The following CEP112 variants were observed in gnomAD, a reference collection of about 807,000 sequenced individuals.
CEP112 encodes the protein centrosomal protein of 112 kDa.
In CEP112, 127 loss-of-function variants were observed where a neutral mutation model predicts 153.0. The ratio of observed to expected loss-of-function variants is 0.83; its 90% CI spans 0.72 to 0.96. CEP112 has a LOEUF of 0.96. Ranked by LOEUF, CEP112 falls within the 40% of genes least tolerant of loss-of-function variation. The pLI, the probability that CEP112 is intolerant of heterozygous loss-of-function variation, is 0.00. For missense variants in CEP112, 1,089 were observed against 1,101.2 expected, an observed-to-expected ratio of 0.99 and a Z score of 0.16; for synonymous variants, 358 against 374.4, an observed-to-expected ratio of 0.96 and a Z score of 0.51.
intron 4 of CEP112, among the ~76,000 whole-genome samples, chr17:66,146,722 T>C (rs980324006): frequency 6.6e-6 from 1 of 152,132 alleles, no homozygotes; most frequent in Admixed American, 6.6e-5. Context: ...TCCGTTTCTA[T>C]GAATTTGACA....
At chr17:65,723,254 G>A (rs1273463660) in intron 23 of CEP112, among the ~76,000 whole-genome samples, 2 of 152,136 alleles carry the variant, frequency 1.3e-5, no homozygotes, top group Middle Eastern at 3.2e-3. Flanking sequence ...CAAACTCGGA[G>A]ACTTTGTAAA....
At chr17:65,770,386 A>C (rs1257321356) in intron 21 of CEP112, among the ~76,000 whole-genome samples, 1 of 152,050 alleles carries the variant, frequency 6.6e-6, no homozygotes, top group African/African-American at 2.4e-5. Context: ...ATGCATATCC[A>C]GTGAAACTAT....
At chr17:65,926,530 T>C (rs2060931051) in intron 19 of CEP112, among the ~76,000 whole-genome samples, 1 of 151,974 alleles carries the variant, frequency 6.6e-6, no homozygotes, top group Admixed American at 6.6e-5. Context: ...CTGGCCAACA[T>C]GGTGAAACCC....
intron 18 of CEP112, among the ~76,000 whole-genome samples, chr17:65,940,692 T>G (rs1226723661): frequency 6.6e-6 from 1 of 151,968 alleles, no homozygotes; most frequent in Non-Finnish European, 1.5e-5. Flanking sequence ...AAAGTTGAAC[T>G]CAGAAGTAGA....
chr17:66,183,712 C>A (rs751007274), intron 1 of CEP112, among the ~76,000 whole-genome samples: 21 of 151,912 alleles, frequency 1.4e-4, no homozygotes, highest in Non-Finnish European at 2.5e-4. Flanking sequence ...AAGGTGTGAT[C>A]CATGAAGAAA....
rs1278232727 is a variant in CEP112 at position 65,749,156 on chromosome 17, C to T, written c.2457+1506G>A. On this transcript the variant is annotated intron_variant, in intron 22 of 26. Transcript: ENST00000535342. ...TCATCATTTCTTACATAAACATATA[C>T]GACTCTTCATTTGGACAAAGACTTT... Among the ~76,000 whole-genome samples the T allele has an allele frequency of 3.9e-5, 6 of 152,184 alleles. No individual in the cohort carries two copies. The South Asian group carries it at 6.2e-4, about 16-fold the overall frequency.
intron 4 of CEP112, among the ~76,000 whole-genome samples, chr17:66,155,494 G>A (rs989375851): frequency 7.7e-4 from 117 of 151,808 alleles, no homozygotes; most frequent in African/African-American, 2.8e-3. Flanking sequence ...ATAGCTGTAG[G>A]AGGTTTTTTT....
At chr17:65,686,021 G>C (rs1406801849) in intron 24 of CEP112, among the ~76,000 whole-genome samples, 1 of 151,508 alleles carries the variant, frequency 6.6e-6, no homozygotes, top group Non-Finnish European at 1.5e-5. Flanking sequence ...GGGGACATAG[G>C]TCAAATTTAG....
intron 21 of CEP112, among the ~76,000 whole-genome samples, chr17:65,809,445 T>C (rs2055819115): frequency 6.6e-6 from 1 of 152,180 alleles, no homozygotes. Flanking sequence ...GAAGACCAGG[T>C]GGGAGTTACT....
intron 23 of CEP112, among the ~76,000 whole-genome samples, chr17:65,709,991 G>A (rs957613530): frequency 5.3e-5 from 8 of 152,068 alleles, no homozygotes; most frequent in Non-Finnish European, 1.0e-4. Context: ...GCTACTCAAC[G>A]CCTGCTCTGA....
chr17:65,658,994 T>A (rs968441958), intron 24 of CEP112, among the ~76,000 whole-genome samples: 9 of 117,672 alleles, frequency 7.6e-5, no homozygotes, highest in African/African-American at 3.0e-4. Flanking sequence ...CCAGCCTGGG[T>A]GACAGAGCGA....
intron 12 of CEP112, among the ~76,000 whole-genome samples, chr17:66,038,100 C>CAAAAAAAAAAAAAAAAA (rs5821553): frequency 2.8e-5 from 3 of 105,400 alleles, no homozygotes; most frequent in African/African-American, 7.7e-5. Flanking sequence ...GACTCTGTCT[C>CAAAAAAAAAAAAAAAAA]AAAAAAAAAA....
chr17:66,141,041 C>T (rs1054020926), intron 4 of CEP112, among the ~76,000 whole-genome samples: 2 of 152,030 alleles, frequency 1.3e-5, no homozygotes, highest in Non-Finnish European at 2.9e-5. Flanking sequence ...TTTGTTTCCT[C>T]TTGGAATTCA....
In CEP112 at chr17:66,081,360, G is replaced by A. The variant is rs372597040; in HGVS notation, c.769-11359C>T. Among the ~76,000 whole-genome samples, 39 of 152,220 alleles carry A rather than the reference G, an allele frequency of 2.6e-4. No individual in the cohort carries two copies. In the East Asian group the frequency reaches 5.8e-3, roughly 23 times the overall value. On this transcript the variant is annotated intron_variant, in intron 8 of 26. Transcript: ENST00000535342. ...ATAGTGGTTACTTCTAGGAAAGATG[G>A]AAGAGAATATGATTACAAATGGTCA...
At chr17:65,709,439 A>AAG (rs1567896384) in intron 23 of CEP112, among the ~76,000 whole-genome samples, 3 of 152,130 alleles carry the variant, frequency 2.0e-5, no homozygotes, top group Non-Finnish European at 4.4e-5. Context: ...GGAGGCAGAA[A>AAG]AGAGAGAGAA....
intron 18 of CEP112, among the ~76,000 whole-genome samples, chr17:65,940,145 C>T (rs189352434): frequency 8.5e-5 from 13 of 152,278 alleles, no homozygotes; most frequent in Admixed American, 3.9e-4. Context: ...AAATGCTCAA[C>T]ATCACTAATT....
chr17:66,039,560 T>A (rs2065887020), intron 12 of CEP112, among the ~76,000 whole-genome samples: 1 of 152,182 alleles, frequency 6.6e-6, no homozygotes, highest in Non-Finnish European at 1.5e-5. Flanking sequence ...GCATAAGTCT[T>A]AAAGATAGAG....
chr17:66,168,617 T>C (rs1408758615), intron 4 of CEP112, among the ~76,000 whole-genome samples: 1 of 151,952 alleles, frequency 6.6e-6, no homozygotes, highest in African/African-American at 2.4e-5. Context: ...AACAAAGCAA[T>C]TTCTCACCTA....
intron 17 of CEP112, among the ~76,000 whole-genome samples, chr17:65,980,908 G>C (rs2063203170): frequency 6.6e-6 from 1 of 152,108 alleles, no homozygotes; most frequent in Non-Finnish European, 1.5e-5. Flanking sequence ...CTCCCAAGTA[G>C]CTGGGATTAC....
Sources: gnomAD v4.1 joint callset for allele counts (sites outside exome capture counted in the v4.1 genomes callset) on GRCh38, gnomAD v4.1.1 for gene constraint, MANE v1.5 for transcripts, NCBI Gene and HGNC (gene_info 2026-07-23, HGNC 2026-07-21) for gene names.